Variants in ORC4 observed in about 807,000 individuals in gnomAD.
ORC4 encodes origin recognition complex subunit 4, also known as origin recognition complex, subunit 4 homolog.
ORC4 carries 55 observed loss-of-function variants against 63.9 expected under a neutral mutation model. The observed-to-expected ratio is 0.86, with a 90% confidence interval of 0.69 to 1.08. The LOEUF (loss-of-function observed/expected upper bound fraction) is 1.08, where lower values mean the gene tolerates loss of function less well. ORC4 is among the 50% of genes least tolerant of loss of function. ORC4 has a pLI of 0.00. For synonymous variants in ORC4, 150 were observed against 168.5 expected (o/e 0.89, Z 0.85); for missense variants, 511 against 504.4 (o/e 1.01, Z -0.13).
intron 1 of ORC4, among the ~76,000 whole-genome samples, chr2:148,007,327 T>C (rs969929559): frequency 2.0e-5 from 3 of 152,176 alleles, no homozygotes; most frequent in African/African-American, 7.2e-5. Flanking sequence ...ATAGCGGTCT[T>C]GAGAAAGCTC....
At chr2:148,012,734 A>G (rs1221572874) in intron 1 of ORC4, among the ~76,000 whole-genome samples, 1 of 152,206 alleles carries the variant, frequency 6.6e-6, no homozygotes, top group Non-Finnish European at 1.5e-5. Context: ...TAAGAATCTC[A>G]AACGACTCAA....
chr2:147,981,174 G>C lies in ORC4; in HGVS notation c.-17-5199C>G, dbSNP rs1456940818. On this transcript the variant is annotated intron_variant, in intron 1 of 13. Transcript: ENST00000392857. Reference sequence around the variant, plus strand: ...TACAGTAGTCTCTCCTTATCCATGGGAGATGAATTCCAAGGCGCCCCTCGC... The same window carrying C: ...TACAGTAGTCTCTCCTTATCCATGGCAGATGAATTCCAAGGCGCCCCTCGC... Among the ~76,000 whole-genome samples, 3 of 152,280 alleles carry C rather than the reference G, an allele frequency of 2.0e-5. No homozygotes were observed. The East Asian group carries it at 5.8e-4, about 29-fold the overall frequency.
chr2:147,938,676 A>G (rs1688196261), intron 11 of ORC4: 1 of 390,752 alleles, frequency 2.6e-6, no homozygotes, highest in Non-Finnish European at 4.7e-6. Flanking sequence ...TATGGCCCAC[A>G]GTAAACAAAA....
intron 1 of ORC4, among the ~76,000 whole-genome samples, chr2:147,982,268 T>C (rs527749554): frequency 7.0e-4 from 107 of 152,342 alleles, no homozygotes; most frequent in African/African-American, 2.5e-3. Context: ...AAAACCTTTT[T>C]AGCTAATAAA....
intron 9 of ORC4, among the ~76,000 whole-genome samples, chr2:147,946,429 T>G (rs1688661964): frequency 6.6e-6 from 1 of 152,074 alleles, no homozygotes; most frequent in Non-Finnish European, 1.5e-5. Flanking sequence ...TGAAAGTCTG[T>G]GAGGCACTGA....
chr2:147,970,553 C>T (rs1314657825), intron 4 of ORC4, among the ~76,000 whole-genome samples: 1 of 132,798 alleles, frequency 7.5e-6, no homozygotes, highest in Non-Finnish European at 1.6e-5. Flanking sequence ...TGATCTTTGA[C>T]AAAGAAGCAA....
At chr2:148,000,658 G>A (rs1012288004) in intron 1 of ORC4, among the ~76,000 whole-genome samples, 5 of 152,088 alleles carry the variant, frequency 3.3e-5, no homozygotes, top group African/African-American at 1.2e-4. Context: ...ACTATATCAA[G>A]CAATGGGCTA....
chr2:147,956,923 T>A (rs1024700840), intron 6 of ORC4, among the ~76,000 whole-genome samples: 4 of 151,712 alleles, frequency 2.6e-5, no homozygotes, highest in Admixed American at 1.3e-4. Flanking sequence ...TAACAAGAAC[T>A]GTCTTTGGCT....
chr2:147,948,125 A>C lies in ORC4; in HGVS notation c.688T>G (p.Phe230Val). The C allele has an allele frequency of 6.2e-7, 1 of 1,611,096 alleles. No individual in the cohort carries two copies. The highest frequency in any genetic ancestry group is 8.5e-7 in the Non-Finnish European group (1 of 1,177,594). ...SFGFPQYVKI[F>V]KEQLSLPAEF... The stretch of plus-strand genomic sequence containing the variant: ...GCAGGTAGAGATAACTGTTCTTTAA[A>C]TATTTTAACATACTGTGGAAAACCA... The change falls in exon 9 of 14, where the codon TTT becomes GTT. Residue 230 changes from phenylalanine to valine, a missense_variant. By Grantham distance (50) the Phe-to-Val change is conservative. Coordinates refer to ENST00000392857, the MANE Select transcript of ORC4 (RefSeq NM_181741.4).
chr2:147,985,207 G>GT (rs892559807), intron 1 of ORC4, among the ~76,000 whole-genome samples: 57 of 151,284 alleles, frequency 3.8e-4, no homozygotes, highest in African/African-American at 1.3e-3. Flanking sequence ...TTGTTTTTTT[G>GT]TTTTTTTGAG....
At chr2:147,984,040 C>T (rs888330223) in intron 1 of ORC4, among the ~76,000 whole-genome samples, 2 of 152,166 alleles carry the variant, frequency 1.3e-5, no homozygotes, top group African/African-American at 2.4e-5. Flanking sequence ...CGACATGGAC[C>T]CTTCTATGAT....
intron 1 of ORC4, among the ~76,000 whole-genome samples, chr2:148,008,435 G>C (rs1018076488): frequency 2.0e-5 from 3 of 152,164 alleles, no homozygotes; most frequent in African/African-American, 7.2e-5. Context: ...TACAAGGGGA[G>C]GGATTGTTAG....
chr2:147,958,779 T>C lies in ORC4; in HGVS notation c.301+12A>G. On this transcript the variant is annotated intron_variant, in intron 5 of 13. Coordinates refer to ENST00000392857, the MANE Select transcript of ORC4 (RefSeq NM_181741.4). ...TACATAATCTCCAATGGCAAAATAA[T>C]GGCATACTTACCATTTAAGTGAACT... is the stretch of plus-strand genomic sequence containing the variant. The C allele has an allele frequency of 3.1e-6, 4 of 1,307,052 alleles. No individual in the cohort carries two copies. Among genetic ancestry groups the C allele is most frequent in the Non-Finnish European group, 3.3e-6 (3 of 902,084 alleles). 81.0% of individuals were successfully genotyped at this position (1,307,052 alleles called of 1,614,324 possible).
chr2:148,005,723 A>G (rs544004742), intron 1 of ORC4, among the ~76,000 whole-genome samples: 1 of 151,738 alleles, frequency 6.6e-6, no homozygotes, highest in South Asian at 2.1e-4. Context: ...ACATGCCCAT[A>G]ATCTCAGCAC....
intron 1 of ORC4, among the ~76,000 whole-genome samples, chr2:148,009,754 G>C (rs560299974): frequency 6.6e-6 from 1 of 152,156 alleles, no homozygotes; most frequent in Non-Finnish European, 1.5e-5. Flanking sequence ...TCCAACAGCC[G>C]CAGAATACAT....
intron 1 of ORC4, among the ~76,000 whole-genome samples, chr2:148,000,086 A>G (rs533694755): frequency 6.6e-6 from 1 of 151,008 alleles, no homozygotes; most frequent in East Asian, 1.9e-4. Flanking sequence ...AAAATGACAG[A>G]AAAAAAATAG....
intron 1 of ORC4, among the ~76,000 whole-genome samples, chr2:147,984,402 T>C (rs1434188430): frequency 6.6e-6 from 1 of 151,916 alleles, no homozygotes; most frequent in Non-Finnish European, 1.5e-5. Context: ...ATACAATATA[T>C]AATACATACA....
At chr2:147,971,777 T>C (rs188619047) in intron 4 of ORC4, among the ~76,000 whole-genome samples, 404 of 151,982 alleles carry the variant, frequency 2.7e-3, no homozygotes, top group Non-Finnish European at 4.4e-3. Flanking sequence ...AAACATAGAT[T>C]TGAAACTAAA....
chr2:147,997,668 C>T (rs13014936), intron 1 of ORC4, among the ~76,000 whole-genome samples: 50,175 of 151,892 alleles, frequency 0.33, 8,555 homozygotes, highest in East Asian at 0.52. Context: ...AAAAACATAG[C>T]TTAAAAAGAC....
Sources: allele counts gnomAD v4.1 joint callset (sites outside exome capture counted in the v4.1 genomes callset), GRCh38; gene constraint gnomAD v4.1.1; transcripts MANE v1.5; gene names NCBI Gene and HGNC (gene_info 2026-07-23, HGNC 2026-07-21).